ACTR3: variants seen among roughly 807,000 people sequenced by gnomAD.
The protein encoded by ACTR3 is actin related protein 3.
A neutral mutation model predicts 56.8 loss-of-function variants in ACTR3; 12 were observed. That is an observed-to-expected ratio of 0.21 (90% CI 0.14 to 0.34). The LOEUF is 0.34. Among genes scored for constraint, ACTR3 ranks in the 10% least tolerant of loss-of-function variants. The pLI is 1.00. For synonymous variants in ACTR3, 162 were observed against 167.4 expected (o/e 0.97, Z 0.25); for missense variants, 282 against 512.5 (o/e 0.55, Z 4.34).
intron 11 of ACTR3, 41 bp downstream of exon 11, chr2:113,955,747 ATTATT>A: frequency 4.0e-6 from 6 of 1,483,322 alleles, no homozygotes; most frequent in South Asian, 3.6e-5. Context: ...TTTTATCATT[ATTATT>A]TTATTTATTT....
At chr2:113,935,342 ATT>A (rs1679807765) in intron 6 of ACTR3, among the ~76,000 whole-genome samples, 1 of 152,222 alleles carries the variant, frequency 6.6e-6, no homozygotes, top group Non-Finnish European at 1.5e-5. Flanking sequence ...CCCTGTAACT[ATT>A]AACAGTCACC....
Position 113,942,344 on chromosome 2 carries a change from CT to C in ACTR3, c.849del (p.His284IlefsTer17). On this transcript the variant is annotated frameshift_variant, in exon 8 of 12. Transcript: ENST00000263238. LOFTEE classifies it high-confidence loss of function. ...GYERFLGPEI[F>X]FHPEFANPDF... is the part of the protein sequence containing the mutation. Reference sequence around the variant, plus strand: ...ATGAGAGATTTTTGGGACCTGAAATCTTTTTTCATCCAGAGGTAATTTTTTT... The same window carrying C: ...ATGAGAGATTTTTGGGACCTGAAATCTTTTTCATCCAGAGGTAATTTTTTT... 1 of 1,573,064 alleles carries C rather than the reference CT, an allele frequency of 6.4e-7. No homozygotes were observed. The highest frequency in any genetic ancestry group is 8.6e-7 in the Non-Finnish European group (1 of 1,164,766).
chr2:113,896,034 A>AT (rs1321351738), intron 1 of ACTR3, among the ~76,000 whole-genome samples: 3 of 152,022 alleles, frequency 2.0e-5, no homozygotes, highest in Non-Finnish European at 1.5e-5. Flanking sequence ...ACTTTTAAAA[A>AT]TTTTTTGTAG....
At chr2:113,948,070 A>C (rs933562228) in intron 8 of ACTR3, among the ~76,000 whole-genome samples, 2 of 152,188 alleles carry the variant, frequency 1.3e-5, no homozygotes, top group Non-Finnish European at 2.9e-5. Flanking sequence ...AACCACTTCA[A>C]ACTCTTCTTA....
chr2:113,910,546 G>A (rs1403295997), intron 1 of ACTR3, among the ~76,000 whole-genome samples: 1 of 152,132 alleles, frequency 6.6e-6, no homozygotes, highest in African/African-American at 2.4e-5. Context: ...CTGAAGAAGG[G>A]GGGCAGTCTT....
At chr2:113,907,939 A>G (rs1016219089) in intron 1 of ACTR3, among the ~76,000 whole-genome samples, 9 of 135,504 alleles carry the variant, frequency 6.6e-5, no homozygotes, top group African/African-American at 2.6e-4. Flanking sequence ...TCGCCATTGC[A>G]CTCCAGCCTG....
At position 113,942,498 on chromosome 2, in the gene ACTR3, T is replaced by A. The variant is rs1317279962; in HGVS notation, c.858+139T>A. 1.1e-5 allele frequency: 7 copies of A among 608,782 alleles called. No homozygotes were observed. The African/African-American group carries it at 1.2e-4, about 10-fold the overall frequency. 37.7% of individuals were successfully genotyped at this position (608,782 alleles called of 1,614,324 possible). Reference sequence around the variant, plus strand: ...TTTATGAAAAGTTTATAAAACATTTTATGAACTTTTTAAAGAAAAAATTTG... The same window carrying A: ...TTTATGAAAAGTTTATAAAACATTTAATGAACTTTTTAAAGAAAAAATTTG... On this transcript the variant is annotated intron_variant, in intron 8 of 11. Coordinates refer to ENST00000263238, the MANE Select transcript of ACTR3 (RefSeq NM_005721.5).
At position 113,894,110 on chromosome 2, in the gene ACTR3, A is replaced by T. The variant is rs1479622284; in HGVS notation, c.44+3787A>T. 4.1e-5 allele frequency among the ~76,000 whole-genome samples: 6 copies of T among 147,970 alleles called. No homozygotes were observed. In the South Asian group the frequency reaches 1.3e-3, roughly 31 times the overall value. The stretch of plus-strand genomic sequence containing the variant: ...TGCTGTTTCTTTTTTTTTTTTTGAG[A>T]TGGAGTTTTGCTCTCATCGCCCAGG... On this transcript the variant is annotated intron_variant, in intron 1 of 11. Transcript: ENST00000263238.
intron 1 of ACTR3, 132 bp from the exon 2 acceptor site, chr2:113,913,040 A>G (rs1222582773): frequency 3.5e-6 from 2 of 566,166 alleles, no homozygotes; most frequent in Non-Finnish European, 6.2e-6. Flanking sequence ...GGTTAAATGA[A>G]GTGAAACTAT....
chr2:113,930,021 C>T (rs999751363), intron 4 of ACTR3, among the ~76,000 whole-genome samples: 13 of 152,012 alleles, frequency 8.6e-5, no homozygotes, highest in Non-Finnish European at 1.8e-4. Context: ...TGGGTGTGTA[C>T]GATTTTTCAT....
intron 10 of ACTR3, chr2:113,955,314 C>T (rs1453014472): frequency 5.2e-6 from 1 of 194,034 alleles, no homozygotes; most frequent in Non-Finnish European, 1.0e-5. Context: ...CCAACCTCCC[C>T]TTCTTTTAAG....
At chr2:113,925,856 T>A (rs954082062) in intron 3 of ACTR3, among the ~76,000 whole-genome samples, 2 of 152,232 alleles carry the variant, frequency 1.3e-5, no homozygotes, top group African/African-American at 4.8e-5. Flanking sequence ...GTTCATTAAT[T>A]TGTTTAACTT....
intron 5 of ACTR3, among the ~76,000 whole-genome samples, chr2:113,932,087 A>T (rs1679733980): frequency 6.6e-6 from 1 of 152,182 alleles, no homozygotes; most frequent in Non-Finnish European, 1.5e-5. Flanking sequence ...GGTCTGTCTG[A>T]CTTTGCTCTT....
intron 1 of ACTR3, chr2:113,890,871 G>A: frequency 1.2e-6 from 1 of 848,548 alleles, no homozygotes; most frequent in Non-Finnish European, 1.4e-6. Flanking sequence ...ACCTACAGTG[G>A]GGCTTTCATT....
In ACTR3 at chr2:113,957,663, T is replaced by C. The variant is rs1680241474; in HGVS notation, c.*208T>C. 2.1e-6 allele frequency: 1 copy of C among 466,320 alleles called. No individual in the cohort carries two copies. Among genetic ancestry groups the C allele is most frequent in the Non-Finnish European group, 3.9e-6 (1 of 259,218 alleles). The allele number at this position is 466,320 out of a possible 1,614,324, so 28.9% of individuals were successfully genotyped here. ...TGATTGTGTTTTTCTTTAGATTGAATATTTGAATCTTATGTGTAACAAAAA... is the reference window on the plus strand; with the variant it reads ...TGATTGTGTTTTTCTTTAGATTGAACATTTGAATCTTATGTGTAACAAAAA... On this transcript the variant is annotated 3_prime_UTR_variant, in exon 12 of 12. Transcript: ENST00000263238.
At chr2:113,901,106 G>T (rs1000143841) in intron 1 of ACTR3, among the ~76,000 whole-genome samples, 2 of 152,190 alleles carry the variant, frequency 1.3e-5, no homozygotes, top group African/African-American at 2.4e-5. Context: ...ATCACCTGAG[G>T]TCGGGAGTTT....
rs552621439 is a variant in ACTR3, at chr2:113,925,488, G to T, written c.226-1857G>T. Among the ~76,000 whole-genome samples the T allele has an allele frequency of 4.6e-5, 7 of 152,290 alleles. No individual in the cohort carries two copies. In the East Asian group the frequency reaches 1.4e-3, roughly 29 times the overall value. ...TGGGATTACAGGCATGAGCCACCACGCCCAGTCGGAACTTTATTTTTTTTA... is the reference window on the plus strand; with the variant it reads ...TGGGATTACAGGCATGAGCCACCACTCCCAGTCGGAACTTTATTTTTTTTA... On this transcript the variant is annotated intron_variant, in intron 3 of 11. Coordinates refer to ENST00000263238, the MANE Select transcript of ACTR3 (RefSeq NM_005721.5).
chr2:113,893,066 T>C (rs1433826253), intron 1 of ACTR3, among the ~76,000 whole-genome samples: 1 of 152,204 alleles, frequency 6.6e-6, no homozygotes, highest in African/African-American at 2.4e-5. Context: ...TTGGAAAGCA[T>C]TGTAAAATAC....
At chr2:113,906,642 T>G (rs747296413) in intron 1 of ACTR3, among the ~76,000 whole-genome samples, 2 of 152,226 alleles carry the variant, frequency 1.3e-5, no homozygotes, top group African/African-American at 2.4e-5. Context: ...TTAACTTTTG[T>G]GTATGGTGTA....
Sources: gnomAD v4.1 joint callset for allele counts (sites outside exome capture counted in the v4.1 genomes callset) on GRCh38, gnomAD v4.1.1 for gene constraint, MANE v1.5 for transcripts, NCBI Gene and HGNC (gene_info 2026-07-23, HGNC 2026-07-21) for gene names.